LAMC1: variants seen among roughly 807,000 people sequenced by gnomAD.
LAMC1 encodes laminin subunit gamma 1, also known as laminin subunit gamma-1.
Under a neutral mutation model 173.6 loss-of-function variants are expected in LAMC1, and 38 were observed. That is an observed-to-expected ratio of 0.22 (90% CI 0.17 to 0.29). The LOEUF (loss-of-function observed/expected upper bound fraction) is 0.29. Among genes scored for constraint, LAMC1 ranks in the 10% least tolerant of loss-of-function variants. The pLI, the probability that LAMC1 is intolerant of heterozygous loss-of-function variation, is 1.00. For missense variants in LAMC1, 1,824 were observed against 2,051.8 expected (o/e 0.89, Z 2.14); for synonymous variants, 746 against 749.1 (o/e 1.00, Z 0.07).
In LAMC1 at chr1:183,117,385, A is replaced by G. The variant is rs771947903; in HGVS notation, c.1630A>G (p.Arg544Gly). ...SEASLEWSSE[R>G]QDIAVISDSY... ...AGCATCTCTCGAGTGGTCCTCTGAG[A>G]GGCAAGATATCGCCGTGATCTCAGA... is the stretch of plus-strand genomic sequence containing the variant. Residue 544 changes from arginine (R) to glycine (G), a missense_variant, in exon 9 of 28, where the codon AGG becomes GGG. Physicochemically the swap from Arg to Gly is moderately radical, Grantham distance 125. Transcript: ENST00000258341. 23 of 1,613,864 alleles carry G rather than the reference A, an allele frequency of 1.4e-5. 1 individual carries two copies. The South Asian group carries it at 2.0e-4, about 14-fold the overall frequency.
At chr1:183,038,037 AT>A (rs35049638) in intron 1 of LAMC1, among the ~76,000 whole-genome samples, 2,218 of 136,870 alleles carry the variant, frequency 0.016, 41 homozygotes, top group African/African-American at 0.051. Context: ...CATTGTATGT[AT>A]TTTTTTTTTT....
chr1:183,088,060 C>T (rs1261670504), intron 1 of LAMC1, among the ~76,000 whole-genome samples: 2 of 152,084 alleles, frequency 1.3e-5, no homozygotes, highest in East Asian at 1.9e-4. Context: ...TGATCCGCCT[C>T]CCAAAGTGCT....
At chr1:183,121,267 AAT>A (rs1192666828) in intron 11 of LAMC1, among the ~76,000 whole-genome samples, 2 of 151,940 alleles carry the variant, frequency 1.3e-5, no homozygotes, top group African/African-American at 4.8e-5. Flanking sequence ...AAAAAAAAAA[AAT>A]ACAAAAATTA....
rs969602771 is a variant in LAMC1, at chr1:183,126,019, A to T, written c.2802-101A>T. 7.9e-6 allele frequency: 9 copies of T among 1,141,484 alleles called. No homozygotes were observed. The East Asian group carries it at 2.2e-4, about 28-fold the overall frequency. The allele number at this position is 1,141,484 out of a possible 1,614,324, so 70.7% of individuals were successfully genotyped here. A position where few individuals can be genotyped will look rare whatever the true frequency, so the allele number is the denominator to read the frequency against. On this transcript the variant is annotated intron_variant, in intron 15 of 27. Coordinates refer to ENST00000258341, the MANE Select transcript of LAMC1 (RefSeq NM_002293.4). ...GTAACCCTTACCATTCAGTTTTCTG[A>T]TACAAGTTACAAATTACATCAGTGC...
At chr1:183,070,274 C>G (rs1458899813) in intron 1 of LAMC1, among the ~76,000 whole-genome samples, 1 of 152,210 alleles carries the variant, frequency 6.6e-6, no homozygotes, top group East Asian at 1.9e-4. Flanking sequence ...GGCTTGAGAA[C>G]TCCTCTATTC....
rs147893375 is a variant in LAMC1, at chr1:183,116,791, G to A, written c.1452G>A (p.Leu484=). 1.9e-5 allele frequency: 30 copies of A among 1,613,978 alleles called. No homozygotes were observed. In the African/African-American group the frequency reaches 3.9e-4, roughly 21 times the overall value. Residue 484 remains leucine (L), a synonymous_variant, in exon 8 of 28, where the codon CTG becomes CTA. Transcript: ENST00000258341. The stretch of plus-strand genomic sequence containing the variant: ...GATGCAAACCTGGATTTTTTAATCT[G>A]GAATCATCTAATCCTCGGGGTTGCA... ...CERCKPGFFN[L]ESSNPRGCTP... is the part of the protein sequence containing the mutation.
chr1:183,059,700 T>G (rs1407137469), intron 1 of LAMC1, among the ~76,000 whole-genome samples: 1 of 151,974 alleles, frequency 6.6e-6, no homozygotes, highest in African/African-American at 2.4e-5. Flanking sequence ...ATAAGATAGG[T>G]AAAACAGAGG....
Position 183,130,280 on chromosome 1 carries a change from T to G in LAMC1, c.3281-64T>G, listed in dbSNP as rs1341747253. Reference sequence around the variant, plus strand: ...AGTAGAGATACATAGGGCCTCAGATTTCATGTGAGATGATATGATCCTCTT... The same window carrying G: ...AGTAGAGATACATAGGGCCTCAGATGTCATGTGAGATGATATGATCCTCTT... On this transcript the variant is annotated intron_variant, in intron 18 of 27. Transcript: ENST00000258341. 2.1e-6 allele frequency: 3 copies of G among 1,406,456 alleles called. No homozygotes were observed. The African/African-American group carries it at 4.3e-5, about 20-fold the overall frequency. The allele number at this position is 1,406,456 out of a possible 1,614,324, so 87.1% of individuals were successfully genotyped here. A position where few individuals can be genotyped will look rare whatever the true frequency, so the allele number is the denominator to read the frequency against.
intron 1 of LAMC1, among the ~76,000 whole-genome samples, chr1:183,085,126 G>A (rs570299039): frequency 3.7e-4 from 56 of 151,960 alleles, no homozygotes; most frequent in Non-Finnish European, 6.5e-4. Context: ...CTGAGGCATG[G>A]GAATTGCTTG....
intron 1 of LAMC1, among the ~76,000 whole-genome samples, chr1:183,027,250 A>T (rs1381729910): frequency 6.6e-6 from 1 of 150,632 alleles, no homozygotes; most frequent in African/African-American, 2.4e-5. Context: ...CCAGAATTGC[A>T]CTTTCTGCTT....
chr1:183,125,352 C>G, intron 14 of LAMC1, 45 bp from the exon 15 acceptor site: 1 of 1,599,098 alleles, frequency 6.3e-7, no homozygotes, highest in Non-Finnish European at 8.6e-7. Context: ...TAGTATTTCT[C>G]TCAGGTGATT....
At chr1:183,121,268 AT>A (rs1421395351) in intron 11 of LAMC1, among the ~76,000 whole-genome samples, 60 of 147,456 alleles carry the variant, frequency 4.1e-4, no homozygotes, top group African/African-American at 1.4e-3. Flanking sequence ...AAAAAAAAAA[AT>A]ACAAAAATTA....
intron 1 of LAMC1, among the ~76,000 whole-genome samples, chr1:183,093,021 A>G (rs984288674): frequency 7.2e-5 from 11 of 152,188 alleles, no homozygotes; most frequent in African/African-American, 2.7e-4. Flanking sequence ...GTTCACGCCT[A>G]TAATCCTAGC....
At chr1:183,131,236 T>G in intron 19 of LAMC1, 63 bp from the exon 20 acceptor site, 3 of 1,328,842 alleles carry the variant, frequency 2.3e-6, no homozygotes, top group South Asian at 2.4e-5. Flanking sequence ...TAGTTTTGAC[T>G]CTTGCTTTAT....
At chr1:183,125,040 A>G in intron 14 of LAMC1, 164 bp downstream of exon 14, 1 of 840,690 alleles carries the variant, frequency 1.2e-6, no homozygotes, top group South Asian at 1.8e-5. Flanking sequence ...AAAAGTATAA[A>G]GAAGGACAGT....
chr1:183,145,042 C>G lies in LAMC1; in HGVS notation c.*2252C>G, dbSNP rs1483975562. The G allele has an allele frequency of 2.6e-5, 4 of 152,152 alleles. No homozygotes were observed. Among genetic ancestry groups the G allele is most frequent in the African/African-American group, 9.7e-5 (4 of 41,428 alleles). The allele number at this position is 152,152 out of a possible 1,614,324, so 9.4% of individuals were successfully genotyped here. A position where few individuals can be genotyped will look rare whatever the true frequency, so the allele number is the denominator to read the frequency against. On this transcript the variant is annotated 3_prime_UTR_variant, in exon 28 of 28. Transcript: ENST00000258341. ...CTGGCTAGTTCATTTCATTAAGTGG[C>G]TACATCCTAACATATGCATTTGGTC...
chr1:183,050,256 A>G (rs548049556), intron 1 of LAMC1, among the ~76,000 whole-genome samples: 2 of 144,928 alleles, frequency 1.4e-5, no homozygotes, highest in African/African-American at 2.6e-5. Flanking sequence ...CACTTTATCA[A>G]TGTTTCTGCT....
chr1:183,130,319 G>C, intron 18 of LAMC1, 25 bp from the exon 19 acceptor site: 1 of 1,584,476 alleles, frequency 6.3e-7, no homozygotes, highest in Non-Finnish European at 8.7e-7. Flanking sequence ...ATAATTTACA[G>C]ACTTTCTTCT....
At position 183,145,283 on chromosome 1, in the gene LAMC1, C is replaced by T. The variant is rs1284550440; in HGVS notation, c.*2493C>T. On this transcript the variant is annotated 3_prime_UTR_variant, in exon 28 of 28. Coordinates refer to ENST00000258341, the MANE Select transcript of LAMC1 (RefSeq NM_002293.4). ...TTTACAAGATGATACCTTAATTACA[C>T]TCCCGCAACACAGCCATTATTTTAT... 2 of 152,632 alleles carry T rather than the reference C, an allele frequency of 1.3e-5. No individual in the cohort carries two copies. Among genetic ancestry groups the T allele is most frequent in the East Asian group, 1.9e-4 (1 of 5,198 alleles). The allele number at this position is 152,632 out of a possible 1,614,324, so 9.5% of individuals were successfully genotyped here. A position where few individuals can be genotyped will look rare whatever the true frequency, so the allele number is the denominator to read the frequency against.
Sources: gnomAD v4.1 joint callset for allele counts (sites outside exome capture counted in the v4.1 genomes callset) on GRCh38, gnomAD v4.1.1 for gene constraint, MANE v1.5 for transcripts, NCBI Gene and HGNC (gene_info 2026-07-23, HGNC 2026-07-21) for gene names.